The following QTGAL variants were observed in gnomAD, a reference collection of about 807,000 sequenced individuals.
QTGAL encodes the protein queuosine-tRNA galactosyltransferase.
At chr17:83,014,602 C>T in the QTGAL span, 2 of 1,491,340 alleles carry the variant, frequency 1.3e-6, no homozygotes, top group South Asian at 2.3e-5. Flanking sequence ...ATTGCCCAGG[C>T]TGGAGTGCAA....
the QTGAL span, among the ~76,000 whole-genome samples, chr17:82,983,488 C>T: frequency 2.0e-5 from 3 of 152,182 alleles, no homozygotes; most frequent in Non-Finnish European, 4.4e-5. Flanking sequence ...CTCGGGCACG[C>T]GTTAGAGACA....
At chr17:82,956,954 G>C in the QTGAL span, 1 of 938,692 alleles carries the variant, frequency 1.1e-6, no homozygotes, top group South Asian at 1.5e-5. The surrounding 1 kb of genome is among the most constrained non-coding windows in gnomAD (Gnocchi z 5.7). Context: ...CGCCACCCCC[G>C]CCTGACACCC....
the QTGAL span, among the ~76,000 whole-genome samples, chr17:82,965,005 G>A: frequency 7.6e-5 from 11 of 145,350 alleles, no homozygotes; most frequent in Non-Finnish European, 1.4e-4. Context: ...CAGGGAGGAC[G>A]GGGACATGGA....
At chr17:83,033,498 G>A in the QTGAL span, among the ~76,000 whole-genome samples, 7 of 148,506 alleles carry the variant, frequency 4.7e-5, no homozygotes, top group Admixed American at 4.7e-4. Flanking sequence ...TTGAGACAGA[G>A]TCCCGCTCTG....
At chr17:82,957,805 C>A in the QTGAL span, among the ~76,000 whole-genome samples, 1 of 152,168 alleles carries the variant, frequency 6.6e-6, no homozygotes, top group South Asian at 2.1e-4. Flanking sequence ...TGGACTTGAC[C>A]CAAGTCCAGT....
chr17:83,048,633 T>C, the QTGAL span: 1 of 1,606,330 alleles, frequency 6.2e-7, no homozygotes, highest in Non-Finnish European at 8.5e-7. Flanking sequence ...TTGCTTACAC[T>C]GGGGCTGAGT....
the QTGAL span, among the ~76,000 whole-genome samples, chr17:82,951,027 A>T: frequency 3.3e-5 from 5 of 152,216 alleles, no homozygotes; most frequent in East Asian, 9.6e-4. Flanking sequence ...GAATTTTTGC[A>T]ATCAGATCTT....
chr17:82,974,370 G>A, the QTGAL span, among the ~76,000 whole-genome samples: 4 of 152,174 alleles, frequency 2.6e-5, no homozygotes, highest in Non-Finnish European at 4.4e-5. Context: ...TGGCCGCCTC[G>A]AGCAGAGGCC....
At chr17:83,006,565 C>T in the QTGAL span, 12 of 985,302 alleles carry the variant, frequency 1.2e-5, no homozygotes, top group East Asian at 4.5e-4. This position sits in a 1 kb window ranked among gnomAD's most constrained non-coding sequence, Gnocchi z 5.8. Context: ...CACGAGCACC[C>T]GAGGCGCCCC....
At chr17:83,016,518 G>A in the QTGAL span, among the ~76,000 whole-genome samples, 34,363 of 137,914 alleles carry the variant, frequency 0.25, 4,229 homozygotes, top group Middle Eastern at 0.31. Context: ...GAGGGAAGAG[G>A]GCAGAAGAGG....
chr17:83,028,931 A>G, the QTGAL span, among the ~76,000 whole-genome samples: 1 of 152,234 alleles, frequency 6.6e-6, no homozygotes, highest in African/African-American at 2.4e-5. Flanking sequence ...CCACCAATAC[A>G]CAAGCTGTAA....
chr17:83,029,649 T>C, the QTGAL span, among the ~76,000 whole-genome samples: 1 of 152,204 alleles, frequency 6.6e-6, no homozygotes, highest in African/African-American at 2.4e-5. Context: ...AATTCGCAGA[T>C]TGGCTATGTC....
At chr17:83,048,397 A>G in the QTGAL span, 1 of 1,329,342 alleles carries the variant, frequency 7.5e-7, no homozygotes. Flanking sequence ...TTTGAACAAC[A>G]TGAAACTGTT....
chr17:83,050,590 C>T, the QTGAL span, among the ~76,000 whole-genome samples: 1 of 152,094 alleles, frequency 6.6e-6, no homozygotes, highest in African/African-American at 2.4e-5. Flanking sequence ...AACAAAAAAA[C>T]AAAAAACAGA....
At chr17:83,002,515 C>T in the QTGAL span, among the ~76,000 whole-genome samples, 2 of 152,230 alleles carry the variant, frequency 1.3e-5, no homozygotes, top group African/African-American at 4.8e-5. Flanking sequence ...CACGCGCCCT[C>T]GGCCGCTAGC....
the QTGAL span, chr17:82,944,910 G>T: frequency 6.6e-6 from 1 of 152,196 alleles, no homozygotes; most frequent in African/African-American, 2.4e-5. Flanking sequence ...CAAAGGAACA[G>T]CAGCAAGACT....
At chr17:83,036,563 G>A in the QTGAL span, among the ~76,000 whole-genome samples, 1 of 152,220 alleles carries the variant, frequency 6.6e-6, no homozygotes, top group African/African-American at 2.4e-5. Flanking sequence ...AACTGAGCTG[G>A]AAAAGGCTGA....
At chr17:83,002,874 C>G in the QTGAL span, among the ~76,000 whole-genome samples, 1 of 78,082 alleles carries the variant, frequency 1.3e-5, no homozygotes, top group East Asian at 5.1e-4. Flanking sequence ...GTGTGGGATT[C>G]CTGAGCCCGC....
chr17:82,965,222 G>A, the QTGAL span, among the ~76,000 whole-genome samples: 2,260 of 147,708 alleles, frequency 0.015, 20 homozygotes, highest in Non-Finnish European at 0.021. Context: ...GGACATGGAC[G>A]CCTGCAGGTG....
Sources: gnomAD v4.1 joint callset for allele counts (sites outside exome capture counted in the v4.1 genomes callset) on GRCh38, gnomAD v4.1.1 for gene constraint, Gnocchi (gnomAD v3.1) non-coding constraint, MANE v1.5 for transcripts, NCBI Gene and HGNC (gene_info 2026-07-23, HGNC 2026-07-21) for gene names.